The following ZNF385D variants were observed in gnomAD, a reference collection of about 807,000 sequenced individuals.
The protein encoded by ZNF385D is zinc finger protein 659.
Under a neutral mutation model 35.8 loss-of-function variants are expected in ZNF385D, and 15 were observed. That is an observed-to-expected ratio of 0.42 (90% CI 0.28 to 0.64). The LOEUF (loss-of-function observed/expected upper bound fraction) is 0.64. Ranked by LOEUF, ZNF385D falls within the 30% of genes least tolerant of loss-of-function variation. ZNF385D has a pLI of 0.23. For missense variants in ZNF385D, 474 were observed against 494.6 expected, an observed-to-expected ratio of 0.96 and a Z score of 0.39; for synonymous variants, 212 against 186.8, an observed-to-expected ratio of 1.13 and a Z score of -1.10.
intron 4 of ZNF385D, among the ~76,000 whole-genome samples, chr3:21,464,483 A>T (rs866534742): frequency 6.6e-6 from 1 of 152,108 alleles, no homozygotes; most frequent in African/African-American, 2.4e-5. Flanking sequence ...ACACATACAT[A>T]TACACACAGA....
chr3:22,281,697 CTTTTCTTTTTT>C, intron 2 of ZNF385D, among the ~76,000 whole-genome samples: 1 of 151,658 alleles, frequency 6.6e-6, no homozygotes, highest in East Asian at 1.9e-4. Context: ...CTGGTGTGTA[CTTTTCTTTTTT>C]TGTTATGTCA....
At chr3:22,005,313 AG>A (rs753934979) in intron 3 of ZNF385D, among the ~76,000 whole-genome samples, 4 of 152,026 alleles carry the variant, frequency 2.6e-5, no homozygotes, top group Admixed American at 6.6e-5. Context: ...TGTAGATTAA[AG>A]GGGACTCCTA....
At chr3:22,011,106 CATA>C (rs1389949554) in intron 3 of ZNF385D, among the ~76,000 whole-genome samples, 16 of 152,146 alleles carry the variant, frequency 1.1e-4, no homozygotes, top group Admixed American at 2.6e-4. Flanking sequence ...TTTCCAGAAG[CATA>C]ATAATTTCTT....
intron 1 of ZNF385D, among the ~76,000 whole-genome samples, chr3:21,718,654 T>C (rs1403762641): frequency 1.3e-5 from 2 of 152,236 alleles, no homozygotes; most frequent in Non-Finnish European, 2.9e-5. Flanking sequence ...AAGCTTGGAC[T>C]TGAGCCCAGA....
chr3:22,286,622 AT>A (rs1328315950), intron 2 of ZNF385D, among the ~76,000 whole-genome samples: 1 of 152,060 alleles, frequency 6.6e-6, no homozygotes, highest in Non-Finnish European at 1.5e-5. Flanking sequence ...ATATTTTTCA[AT>A]TTCCCTATTA....
At chr3:21,482,661 G>A (rs1285499794) in intron 4 of ZNF385D, among the ~76,000 whole-genome samples, 5 of 152,184 alleles carry the variant, frequency 3.3e-5, no homozygotes, top group African/African-American at 7.2e-5. Context: ...TTTTTTAGAA[G>A]TGCCAATTTC....
chr3:21,684,396 CTCTCTCTCCTCT>C (rs1317976602), intron 1 of ZNF385D, among the ~76,000 whole-genome samples: 11 of 83,324 alleles, frequency 1.3e-4, no homozygotes, highest in African/African-American at 6.1e-4. Context: ...CTCTCTCTCT[CTCTCTCTCCTCT>C]CTCTCTCTCT....
chr3:22,289,464 G>A (rs1575046994), intron 2 of ZNF385D, among the ~76,000 whole-genome samples: 1 of 152,108 alleles, frequency 6.6e-6, no homozygotes, highest in South Asian at 2.1e-4. Context: ...GTCTTCCAAA[G>A]GTTTATTGTT....
At position 21,465,867 on chromosome 3, in the gene ZNF385D, C is replaced by T. The variant is rs1380048979; in HGVS notation, c.440-28664G>A. 6.6e-6 allele frequency among the ~76,000 whole-genome samples: 1 copy of T among 152,188 alleles called. No homozygotes were observed. Among genetic ancestry groups the T allele is most frequent in the Non-Finnish European group, 1.5e-5 (1 of 68,030 alleles). On this transcript the variant is annotated intron_variant, in intron 4 of 7. Coordinates refer to ENST00000281523, the MANE Select transcript of ZNF385D (RefSeq NM_024697.3). The surrounding 1 kb of genome is among the most constrained non-coding windows in gnomAD (Gnocchi z 4.2). ...TGACCCACTCTCAGGCTACACAACA[C>T]TCATTCTCCATCACACCTCAGGATA...
At chr3:21,946,808 G>C (rs1431613732) in intron 3 of ZNF385D, among the ~76,000 whole-genome samples, 1 of 152,136 alleles carries the variant, frequency 6.6e-6, no homozygotes, top group East Asian at 1.9e-4. Flanking sequence ...CTCCAGCCTG[G>C]GTGATAGAGC....
At chr3:21,890,455 C>T (rs1698791571) in intron 3 of ZNF385D, among the ~76,000 whole-genome samples, 1 of 152,022 alleles carries the variant, frequency 6.6e-6, no homozygotes, top group African/African-American at 2.4e-5. Context: ...CCCATCTCTA[C>T]TAAAAATACA....
At chr3:22,006,232 A>G (rs903543140) in intron 3 of ZNF385D, among the ~76,000 whole-genome samples, 2 of 152,134 alleles carry the variant, frequency 1.3e-5, no homozygotes, top group Non-Finnish European at 2.9e-5. Flanking sequence ...AAGGAACTTA[A>G]CTACTTAGTG....
chr3:22,011,618 T>C (rs879519048), intron 3 of ZNF385D, among the ~76,000 whole-genome samples: 4 of 152,128 alleles, frequency 2.6e-5, no homozygotes, highest in African/African-American at 9.6e-5. Flanking sequence ...ATCTAAATAA[T>C]AGTAAATTAG....
chr3:22,098,015 A>G (rs1172727204), intron 3 of ZNF385D, among the ~76,000 whole-genome samples: 2 of 152,044 alleles, frequency 1.3e-5, no homozygotes, highest in Non-Finnish European at 2.9e-5. Flanking sequence ...ACAAAGTTTG[A>G]AGCTACTAGG....
chr3:22,180,911 G>GTTTTTTTTTTTT (rs1695207512), intron 2 of ZNF385D, among the ~76,000 whole-genome samples: 6 of 60,736 alleles, frequency 9.9e-5, no homozygotes, highest in African/African-American at 9.2e-4. Flanking sequence ...ATATGCTTTT[G>GTTTTTTTTTTTT]TTCTTTTTTT....
chr3:21,831,688 G>C (rs1694998453), intron 3 of ZNF385D, among the ~76,000 whole-genome samples: 3 of 152,098 alleles, frequency 2.0e-5, no homozygotes, highest in African/African-American at 4.8e-5. Context: ...CTGAGCACTG[G>C]GGAGTTAGAT....
At chr3:21,789,325 A>G (rs1406151499) in intron 3 of ZNF385D, among the ~76,000 whole-genome samples, 2 of 152,206 alleles carry the variant, frequency 1.3e-5, no homozygotes, top group Non-Finnish European at 2.9e-5. Context: ...TATTAGTAAG[A>G]AAAATATAAA....
chr3:22,370,190 G>C (rs1402901071), intron 2 of ZNF385D, among the ~76,000 whole-genome samples: 2 of 152,162 alleles, frequency 1.3e-5, no homozygotes, highest in Non-Finnish European at 2.9e-5. Flanking sequence ...GTCAGGATCT[G>C]AGCTTTAATT....
At chr3:22,370,789 T>C (rs1165744754) in intron 2 of ZNF385D, among the ~76,000 whole-genome samples, 1 of 152,168 alleles carries the variant, frequency 6.6e-6, no homozygotes, top group Non-Finnish European at 1.5e-5. Flanking sequence ...GCTGTAGAGT[T>C]TGGTGTTCAG....
Sources: allele counts gnomAD v4.1 joint callset (sites outside exome capture counted in the v4.1 genomes callset), GRCh38; gene constraint gnomAD v4.1.1; non-coding constraint Gnocchi (gnomAD v3.1); transcripts MANE v1.5; gene names NCBI Gene and HGNC (gene_info 2026-07-23, HGNC 2026-07-21).